The following HHAT variants were observed in gnomAD, a reference collection of about 807,000 sequenced individuals.
HHAT encodes hedgehog acyltransferase, also known as protein-cysteine N-palmitoyltransferase HHAT.
HHAT carries 47 observed loss-of-function variants against 70.8 expected under a neutral mutation model. The observed-to-expected ratio is 0.66, with a 90% CI of 0.53 to 0.85. The LOEUF is 0.85. HHAT is among the 40% of genes least tolerant of loss of function. The pLI is 0.00. For synonymous variants in HHAT, 228 were observed against 247.6 expected, an observed-to-expected ratio of 0.92 and a Z score of 0.74; for missense variants, 609 against 604.8, an observed-to-expected ratio of 1.01 and a Z score of -0.07.
chr1:210,479,242 G>A (rs1320150477), intron 8 of HHAT, among the ~76,000 whole-genome samples: 1 of 152,142 alleles, frequency 6.6e-6, no homozygotes, highest in East Asian at 1.9e-4. Context: ...AGAATGAATT[G>A]TACCTGAAAG....
At chr1:210,534,294 T>C (rs1369303129) in intron 9 of HHAT, among the ~76,000 whole-genome samples, 1 of 152,240 alleles carries the variant, frequency 6.6e-6, no homozygotes, top group Non-Finnish European at 1.5e-5. Context: ...ATGGTGGATT[T>C]GTACACTCCT....
At chr1:210,366,343 A>C (rs190993034) in intron 3 of HHAT, among the ~76,000 whole-genome samples, 2 of 152,288 alleles carry the variant, frequency 1.3e-5, no homozygotes, top group African/African-American at 4.8e-5. Flanking sequence ...AACAATTTTA[A>C]AAAGTGGGCT....
intron 9 of HHAT, among the ~76,000 whole-genome samples, chr1:210,533,742 G>A (rs1020303227): frequency 6.6e-6 from 1 of 152,170 alleles, no homozygotes; most frequent in Non-Finnish European, 1.5e-5. Flanking sequence ...GTCCTGCCAA[G>A]GAAGCTACTG....
intron 7 of HHAT, among the ~76,000 whole-genome samples, chr1:210,431,168 C>T (rs2093231286): frequency 6.6e-6 from 1 of 151,798 alleles, no homozygotes; most frequent in South Asian, 2.1e-4. Flanking sequence ...TTGTTACCAA[C>T]GTGGTGCTGC....
chr1:210,371,752 A>G (rs966619840), intron 3 of HHAT, among the ~76,000 whole-genome samples: 1 of 152,212 alleles, frequency 6.6e-6, no homozygotes, highest in African/African-American at 2.4e-5. Context: ...TAAACTCACC[A>G]GAGTTTACAC....
intron 3 of HHAT, among the ~76,000 whole-genome samples, chr1:210,377,204 A>G (rs1302041870): frequency 6.6e-6 from 1 of 152,216 alleles, no homozygotes; most frequent in Non-Finnish European, 1.5e-5. Context: ...GTGATTTATT[A>G]GCATAGTTTG....
intron 9 of HHAT, among the ~76,000 whole-genome samples, chr1:210,523,982 A>G (rs1330328161): frequency 6.6e-6 from 1 of 152,240 alleles, no homozygotes; most frequent in Non-Finnish European, 1.5e-5. Context: ...TAGCTAAATG[A>G]AATCAGATGC....
At chr1:210,619,402 A>T (rs529743422) in intron 10 of HHAT, among the ~76,000 whole-genome samples, 1 of 152,218 alleles carries the variant, frequency 6.6e-6, no homozygotes. Flanking sequence ...ATGTGATGAC[A>T]CATGGTGGGC....
intron 9 of HHAT, among the ~76,000 whole-genome samples, chr1:210,525,699 A>G (rs1296023195): frequency 6.6e-6 from 1 of 152,226 alleles, no homozygotes; most frequent in Non-Finnish European, 1.5e-5. Flanking sequence ...TTCCCACCAT[A>G]TATAGCTTTA....
intron 10 of HHAT, among the ~76,000 whole-genome samples, chr1:210,607,373 TATG>T (rs1665692863): frequency 1.5e-5 from 1 of 67,970 alleles, no homozygotes; most frequent in Non-Finnish European, 4.4e-5. Flanking sequence ...CAGAGATGTT[TATG>T]TTGTTTAATT....
At position 210,626,818 on chromosome 1, in the gene HHAT, T is replaced by TA. The variant is rs539474029; in HGVS notation, c.1390+3155dup. On this transcript the variant is annotated intron_variant, in intron 11 of 11. Coordinates refer to ENST00000261458, the MANE Select transcript of HHAT (RefSeq NM_018194.6). ...TGTTCATATATGAGCTTTCTAAAGTTAAAAAAATCTGAATTCCGAAACTCA... is the reference window on the plus strand; with the variant it reads ...TGTTCATATATGAGCTTTCTAAAGTTAAAAAAAATCTGAATTCCGAAACTCA... 5.9e-5 allele frequency among the ~76,000 whole-genome samples: 9 copies of TA among 152,274 alleles called. No individual in the cohort carries two copies. In the South Asian group the frequency reaches 1.0e-3, roughly 18 times the overall value.
intron 9 of HHAT, among the ~76,000 whole-genome samples, chr1:210,536,928 T>C (rs1445781584): frequency 6.6e-6 from 1 of 152,094 alleles, no homozygotes; most frequent in East Asian, 1.9e-4. Context: ...TAGTGCCAAC[T>C]AGCCCTGGGG....
At chr1:210,386,230 C>CTTTTTTTTTTTTTTTTTTTTTTTTTTT (rs869305965) in intron 3 of HHAT, among the ~76,000 whole-genome samples, 6 of 69,922 alleles carry the variant, frequency 8.6e-5, no homozygotes, top group South Asian at 6.3e-4. Flanking sequence ...TTCTTTTTTT[C>CTTTTTTTTTTTTTTTTTTTTTTTTTTT]TTTTTTTTTT....
At chr1:210,332,553 G>A (rs1264244245) in intron 1 of HHAT, among the ~76,000 whole-genome samples, 4 of 152,192 alleles carry the variant, frequency 2.6e-5, no homozygotes, top group Admixed American at 6.5e-5. Flanking sequence ...TTAGCAATAC[G>A]GTTAGCCACT....
At chr1:210,363,256 G>T (rs1255493150) in intron 3 of HHAT, among the ~76,000 whole-genome samples, 1 of 152,070 alleles carries the variant, frequency 6.6e-6, no homozygotes, top group Non-Finnish European at 1.5e-5. Flanking sequence ...ACCAACTGCC[G>T]GCAGCTGCAG....
rs554151522 is a variant in HHAT, at chr1:210,477,402, G to A, written c.1007+12747G>A. ...TTTTTGTGTGTAAGAAGCCCACAGG[G>A]GAGGGACTCTGCCATTCAGGAAGAA... is the stretch of plus-strand genomic sequence containing the variant. On this transcript the variant is annotated intron_variant, in intron 8 of 11. Coordinates refer to ENST00000261458, the MANE Select transcript of HHAT (RefSeq NM_018194.6). Among the ~76,000 whole-genome samples the A allele has an allele frequency of 2.6e-5, 4 of 152,306 alleles. No homozygotes were observed. The South Asian group carries it at 8.3e-4, about 32-fold the overall frequency.
intron 4 of HHAT, among the ~76,000 whole-genome samples, chr1:210,389,304 C>T (rs755395612): frequency 3.9e-5 from 6 of 152,324 alleles, no homozygotes; most frequent in Non-Finnish European, 7.3e-5. Flanking sequence ...GCTGACATCG[C>T]GGCAATCCTG....
At chr1:210,447,440 C>T (rs573119663) in intron 7 of HHAT, among the ~76,000 whole-genome samples, 28 of 152,238 alleles carry the variant, frequency 1.8e-4, no homozygotes, top group South Asian at 1.7e-3. Context: ...TATTTTGGTG[C>T]GCACTTGATT....
rs141741088 is a variant in HHAT at position 210,349,026 on chromosome 1, C to T, written c.51C>T (p.Phe17=). 4.8e-5 allele frequency: 78 copies of T among 1,614,078 alleles called. No individual in the cohort carries two copies. In the African/African-American group the frequency reaches 8.7e-4, roughly 18 times the overall value. The change falls in exon 2 of 12, where the codon TTC becomes TTT. Residue 17 remains phenylalanine, a synonymous_variant. Coordinates refer to ENST00000261458, the MANE Select transcript of HHAT (RefSeq NM_018194.6). ...TTTACCTACTTGCCTCACTAGGCTT[C>T]CACTTCTATTCCTTCTATGAAGTTT... ...LALYLLASLG[F]HFYSFYEVYK...
Sources: gnomAD v4.1 joint callset for allele counts (sites outside exome capture counted in the v4.1 genomes callset) on GRCh38, gnomAD v4.1.1 for gene constraint, MANE v1.5 for transcripts, NCBI Gene and HGNC (gene_info 2026-07-23, HGNC 2026-07-21) for gene names.